The following RAB27B variants were observed in gnomAD, a reference collection of about 807,000 sequenced individuals.
RAB27B encodes the protein RAB27B, member RAS oncogene family.
Under a neutral mutation model 24.6 loss-of-function variants are expected in RAB27B, and 15 were observed. That is an observed-to-expected ratio of 0.61 (90% CI 0.41 to 0.94). The LOEUF (loss-of-function observed/expected upper bound fraction) is 0.94. RAB27B is among the 40% of genes least tolerant of loss of function. The pLI is 0.00. For synonymous variants in RAB27B, 105 were observed against 92.5 expected, an observed-to-expected ratio of 1.14 and a Z score of -0.78; for missense variants, 261 against 266.8, an observed-to-expected ratio of 0.98 and a Z score of 0.15.
intron 1 of RAB27B, among the ~76,000 whole-genome samples, chr18:54,871,094 A>G (rs939822029): frequency 4.6e-5 from 7 of 152,236 alleles, no homozygotes; most frequent in African/African-American, 1.2e-4. Context: ...TATATTTGCA[A>G]TTTGATCTGA....
chr18:54,800,407 A>C (rs891846171), intron 2 of RAB27B, among the ~76,000 whole-genome samples: 2 of 152,236 alleles, frequency 1.3e-5, no homozygotes, highest in African/African-American at 4.8e-5. Context: ...ATTGCAAAGA[A>C]CATTTACATT....
chr18:54,845,516 AAAAG>A (rs1356796151), intron 1 of RAB27B, among the ~76,000 whole-genome samples: 6 of 152,118 alleles, frequency 3.9e-5, no homozygotes, highest in African/African-American at 9.7e-5. Context: ...ACAGAAAAAA[AAAAG>A]AAAATTGTGA....
At chr18:54,802,020 A>G (rs1909628558) in intron 2 of RAB27B, among the ~76,000 whole-genome samples, 1 of 152,196 alleles carries the variant, frequency 6.6e-6, no homozygotes, top group Admixed American at 6.5e-5. Flanking sequence ...ACCATCAGGC[A>G]CCTTGGTCCA....
chr18:54,847,915 A>G (rs1911403925), intron 1 of RAB27B, among the ~76,000 whole-genome samples: 2 of 152,262 alleles, frequency 1.3e-5, no homozygotes, highest in Admixed American at 1.3e-4. Flanking sequence ...TGAACAATTC[A>G]CAAATCCCTT....
At chr18:54,736,448 T>C (rs1772164956) in intron 2 of RAB27B, among the ~76,000 whole-genome samples, 2 of 151,814 alleles carry the variant, frequency 1.3e-5, no homozygotes, top group Non-Finnish European at 1.5e-5. Context: ...AATTTCATTA[T>C]TGTTGTAAAT....
At position 54,783,879 on chromosome 18, in the gene RAB27B, AATTAC is replaced by A. The variant is rs1908997256; in HGVS notation, c.-20+65741_-20+65745del. On this transcript the variant is annotated intron_variant, in intron 2 of 4. Coordinates refer to the RAB27B transcript ENST00000586570. ...GAGCAGCCAGACTCTGGACTCTCAT[AATTAC>A]ATAGGTAGGAGCACATTGGGCCACT... Among the ~76,000 whole-genome samples, 5 of 151,918 alleles carry A rather than the reference AATTAC, an allele frequency of 3.3e-5. No individual in the cohort carries two copies. In the South Asian group the frequency reaches 1.0e-3, roughly 31 times the overall value.
chr18:54,864,889 C>G (rs1481219964), intron 1 of RAB27B, among the ~76,000 whole-genome samples: 1 of 152,070 alleles, frequency 6.6e-6, no homozygotes, highest in East Asian at 1.9e-4. Flanking sequence ...TTCTGTGTCC[C>G]TTTCATTTTC....
Position 54,828,506 on chromosome 18 carries a change from G to A in RAB27B, c.-214G>A, listed in dbSNP as rs1228594248. 1 of 152,346 alleles carries A rather than the reference G, an allele frequency of 6.6e-6. No homozygotes were observed. Among genetic ancestry groups the A allele is most frequent in the Admixed American group, 6.5e-5 (1 of 15,288 alleles). The allele number at this position is 152,346 out of a possible 1,614,324, so 9.4% of individuals were successfully genotyped here. On this transcript the variant is annotated 5_prime_UTR_variant, in exon 1 of 6. Transcript: ENST00000262094. ...GCAGTCCTGACGGGCAGGGGCTGCG[G>A]ACCGCCCGGCCTTGGACCCATCCGG...
At chr18:54,879,738 G>T (rs1912846728) in intron 3 of RAB27B, 1 of 280,406 alleles carries the variant, frequency 3.6e-6, no homozygotes, top group Non-Finnish European at 6.8e-6. Context: ...AGGTTCTCCA[G>T]AATTTAATTG....
intron 1 of RAB27B, among the ~76,000 whole-genome samples, chr18:54,830,768 T>C (rs1910643330): frequency 6.6e-6 from 1 of 152,172 alleles, no homozygotes; most frequent in Non-Finnish European, 1.5e-5. Flanking sequence ...TTTGCAATCA[T>C]TATTCATGTT....
chr18:54,772,946 T>A (rs1005066846), intron 2 of RAB27B, among the ~76,000 whole-genome samples: 8 of 152,196 alleles, frequency 5.3e-5, no homozygotes, highest in African/African-American at 1.9e-4. Context: ...AATTCGGTGC[T>A]CCTTTCACAC....
chr18:54,823,180 A>G (rs1178179709), intron 2 of RAB27B, among the ~76,000 whole-genome samples: 3 of 152,256 alleles, frequency 2.0e-5, no homozygotes, highest in Non-Finnish European at 4.4e-5. Flanking sequence ...TCAAAGTTAC[A>G]TATTCGTTGT....
At chr18:54,769,958 C>G (rs2145067604) in intron 2 of RAB27B, among the ~76,000 whole-genome samples, 1 of 152,292 alleles carries the variant, frequency 6.6e-6, no homozygotes, top group Non-Finnish European at 1.5e-5. Flanking sequence ...ACCTCAGCTT[C>G]TTGGGTTCAA....
chr18:54,886,085 C>T (rs1381226200), intron 4 of RAB27B, among the ~76,000 whole-genome samples: 5 of 152,042 alleles, frequency 3.3e-5, no homozygotes, highest in East Asian at 3.9e-4. Flanking sequence ...TACATTTCAA[C>T]GTTGGACATA....
intron 2 of RAB27B, among the ~76,000 whole-genome samples, chr18:54,738,173 T>C (rs115084510): frequency 2.2e-3 from 339 of 152,254 alleles, no homozygotes; most frequent in African/African-American, 7.6e-3. Context: ...TGCATATATT[T>C]CTCATTATTT....
chr18:54,752,827 T>C (rs1287714739), intron 2 of RAB27B, among the ~76,000 whole-genome samples: 2 of 152,182 alleles, frequency 1.3e-5, no homozygotes, highest in African/African-American at 4.8e-5. Flanking sequence ...TATAGTTGCC[T>C]GCCTTGGGGA....
intron 2 of RAB27B, among the ~76,000 whole-genome samples, chr18:54,781,929 A>G (rs756624880): frequency 2.6e-5 from 4 of 152,270 alleles, no homozygotes; most frequent in Non-Finnish European, 4.4e-5. Context: ...AAATAGCACA[A>G]GTGCCAATCC....
intron 2 of RAB27B, among the ~76,000 whole-genome samples, chr18:54,729,294 C>T (rs1196854664): frequency 6.6e-6 from 1 of 152,064 alleles, no homozygotes; most frequent in Non-Finnish European, 1.5e-5. Flanking sequence ...GTAAGAATTT[C>T]GAGATAAGAG....
chr18:54,890,918 C>A lies in RAB27B; in HGVS notation c.*1505C>A, dbSNP rs1305028724. 1 of 151,926 alleles carries A rather than the reference C, an allele frequency of 6.6e-6. No homozygotes were observed. Among genetic ancestry groups the A allele is most frequent in the African/African-American group, 2.4e-5 (1 of 41,392 alleles). The allele number at this position is 151,926 out of a possible 1,614,324, so 9.4% of individuals were successfully genotyped here. On this transcript the variant is annotated 3_prime_UTR_variant, in exon 6 of 6. Transcript: ENST00000262094. Reference sequence around the variant, plus strand: ...TTTTAATCTTAGTTTCTGATAAACACAAGCCATTCCTATCAAAATATTATT... The same window carrying A: ...TTTTAATCTTAGTTTCTGATAAACAAAAGCCATTCCTATCAAAATATTATT...
Sources: gnomAD v4.1 joint callset for allele counts (sites outside exome capture counted in the v4.1 genomes callset) on GRCh38, gnomAD v4.1.1 for gene constraint, MANE v1.5 for transcripts, NCBI Gene and HGNC (gene_info 2026-07-23, HGNC 2026-07-21) for gene names.